RFX8: variants seen among roughly 807,000 people sequenced by gnomAD.
RFX8 encodes DNA-binding protein RFX8.
RFX8 carries 46 observed loss-of-function variants against 54.6 expected under a neutral mutation model. The observed-to-expected ratio is 0.84, with a 90% CI of 0.67 to 1.08. RFX8 has a LOEUF of 1.08. RFX8 is among the 50% of genes least tolerant of loss of function. RFX8 has a pLI of 0.00. For synonymous variants in RFX8, 192 were observed against 209.5 expected, an observed-to-expected ratio of 0.92 and a Z score of 0.72; for missense variants, 536 against 562.3, an observed-to-expected ratio of 0.95 and a Z score of 0.47.
chr2:101,466,666 A>G (rs576016404), intron 2 of RFX8, 111 bp downstream of exon 2: 2 of 794,110 alleles, frequency 2.5e-6, no homozygotes, highest in Admixed American at 4.2e-5. Context: ...GAAGCCAAAG[A>G]TACCCACTGA....
At chr2:101,470,155 C>G (rs1461848186) in intron 1 of RFX8, among the ~76,000 whole-genome samples, 2 of 152,154 alleles carry the variant, frequency 1.3e-5, no homozygotes, top group East Asian at 3.9e-4. Context: ...GGGCTTTGAA[C>G]CTCAAAGACC....
intron 2 of RFX8, among the ~76,000 whole-genome samples, chr2:101,430,504 T>C (rs928653101): frequency 6.6e-6 from 1 of 152,158 alleles, no homozygotes; most frequent in African/African-American, 2.4e-5. Flanking sequence ...TCTCTCCATG[T>C]GAACAAAGAA....
intron 2 of RFX8, among the ~76,000 whole-genome samples, chr2:101,426,323 G>A (rs537469162): frequency 1.3e-5 from 2 of 151,952 alleles, no homozygotes; most frequent in African/African-American, 4.8e-5. Context: ...AACATAGTAA[G>A]AGCCTGTCTC....
At chr2:101,440,005 C>T (rs75868819) in intron 2 of RFX8, among the ~76,000 whole-genome samples, 12,986 of 152,096 alleles carry the variant, frequency 0.085, 592 homozygotes, top group African/African-American at 0.11. Flanking sequence ...TGTTCTCCTC[C>T]CATTTTATTC....
At chr2:101,474,219 G>T (rs1690175598) in intron 1 of RFX8, 1 of 627,830 alleles carries the variant, frequency 1.6e-6, no homozygotes, top group African/African-American at 1.9e-5. Flanking sequence ...TGACGCCGCT[G>T]TGCGGGCCCC....
intron 2 of RFX8, among the ~76,000 whole-genome samples, chr2:101,439,794 C>T (rs955163945): frequency 2.6e-5 from 4 of 151,812 alleles, no homozygotes; most frequent in Non-Finnish European, 5.9e-5. Context: ...CTTACTGCAA[C>T]CTCCACCTCC....
In RFX8 at chr2:101,419,208, G is replaced by C. The variant is rs530851469; in HGVS notation, c.238-244C>G. 3.9e-5 allele frequency among the ~76,000 whole-genome samples: 6 copies of C among 152,316 alleles called. No individual in the cohort carries two copies. The South Asian group carries it at 1.2e-3, about 32-fold the overall frequency. On this transcript the variant is annotated intron_variant, in intron 4 of 11. Coordinates refer to ENST00000428343, the MANE Select transcript of RFX8 (RefSeq NM_001145664.2). ...ACATTATTAATATTTTCTTGAGGCA[G>C]TTTCTAGAAGGGAAGCTGTTTCTGA... is the stretch of plus-strand genomic sequence containing the variant.
chr2:101,441,595 A>G (rs1170379091), intron 2 of RFX8, among the ~76,000 whole-genome samples: 3 of 152,204 alleles, frequency 2.0e-5, no homozygotes, highest in East Asian at 1.9e-4. Flanking sequence ...TTCCTCATAA[A>G]TTACCTAGTT....
At chr2:101,471,288 T>G (rs1208045306) in intron 1 of RFX8, among the ~76,000 whole-genome samples, 1 of 151,926 alleles carries the variant, frequency 6.6e-6, no homozygotes, top group African/African-American at 2.4e-5. Flanking sequence ...GAGCCGAGAT[T>G]GTGCCACTGC....
rs1558828696 is a variant in RFX8, at chr2:101,397,563, G to A, written c.1407C>T (p.Asn469=). Residue 469 remains asparagine, a synonymous_variant, in exon 12 of 12, where the codon AAC becomes AAT. Transcript: ENST00000428343. Reference sequence around the variant, plus strand: ...ATAAATAATCTCACACATTAGCATTGTTTTCTCTGAAATAAATATCTTCAG... The same window carrying A: ...ATAAATAATCTCACACATTAGCATTATTTTCTCTGAAATAAATATCTTCAG... The part of the protein sequence containing the change: ...QSSEDIYFRE[N]NANV 6.5e-7 allele frequency: 1 copy of A among 1,542,854 alleles called. No homozygotes were observed.
intron 2 of RFX8, among the ~76,000 whole-genome samples, chr2:101,466,024 GAA>G (rs1689555955): frequency 6.6e-6 from 1 of 152,134 alleles, no homozygotes. Context: ...TTCCACAAAT[GAA>G]CAGAAGTTTC....
chr2:101,434,368 T>A (rs1687654425), intron 2 of RFX8, among the ~76,000 whole-genome samples: 1 of 152,180 alleles, frequency 6.6e-6, no homozygotes, highest in Non-Finnish European at 1.5e-5. Flanking sequence ...GCCATTACTG[T>A]TATATTACTT....
intron 2 of RFX8, among the ~76,000 whole-genome samples, chr2:101,442,825 C>A (rs1344555635): frequency 6.6e-6 from 1 of 152,042 alleles, no homozygotes; most frequent in Non-Finnish European, 1.5e-5. Flanking sequence ...GACTTCTCTC[C>A]ATGAGGGAGG....
chr2:101,433,278 G>A (rs554334106), intron 2 of RFX8, among the ~76,000 whole-genome samples: 2 of 152,192 alleles, frequency 1.3e-5, no homozygotes, highest in South Asian at 4.2e-4. Flanking sequence ...GGACTCAGAG[G>A]TCCCCCAGGT....
chr2:101,409,973 A>G (rs1046206933), intron 9 of RFX8, among the ~76,000 whole-genome samples: 1 of 152,192 alleles, frequency 6.6e-6, no homozygotes, highest in African/African-American at 2.4e-5. Context: ...ACATTGGTCG[A>G]AAGGATCAAA....
At chr2:101,409,496 G>A (rs943134539) in intron 9 of RFX8, among the ~76,000 whole-genome samples, 2 of 151,008 alleles carry the variant, frequency 1.3e-5, no homozygotes, top group Non-Finnish European at 2.9e-5. Flanking sequence ...AAAGTGCTGG[G>A]ATTACAGGAG....
At chr2:101,456,585 T>G (rs923330990) in intron 2 of RFX8, among the ~76,000 whole-genome samples, 8 of 152,214 alleles carry the variant, frequency 5.3e-5, no homozygotes, top group Admixed American at 1.3e-4. Context: ...GTGGATAAGC[T>G]TTTTGATGTG....
chr2:101,426,846 T>C (rs1368034560), intron 2 of RFX8, among the ~76,000 whole-genome samples: 2 of 152,174 alleles, frequency 1.3e-5, no homozygotes, highest in Non-Finnish European at 2.9e-5. Flanking sequence ...TCCTGAATCC[T>C]TGAAGACACT....
At position 101,458,866 on chromosome 2, in the gene RFX8, T is replaced by C. The variant is rs62154328; in HGVS notation, c.72+7911A>G. On this transcript the variant is annotated intron_variant, in intron 2 of 11. Coordinates refer to ENST00000428343, the MANE Select transcript of RFX8 (RefSeq NM_001145664.2). ...GGTACATCAATCAACACAGATTTTATCTTTTCACATAGTCCCATATTTCTT... is the reference window on the plus strand; with the variant it reads ...GGTACATCAATCAACACAGATTTTACCTTTTCACATAGTCCCATATTTCTT... Among the ~76,000 whole-genome samples, 652 of 152,368 alleles carry C rather than the reference T, an allele frequency of 4.3e-3. 3 individuals are homozygous for C. The highest frequency in any genetic ancestry group is 0.01 in the Middle Eastern group (3 of 294).
Sources: allele counts gnomAD v4.1 joint callset (sites outside exome capture counted in the v4.1 genomes callset), GRCh38; gene constraint gnomAD v4.1.1; transcripts MANE v1.5; gene names NCBI Gene and HGNC (gene_info 2026-07-23, HGNC 2026-07-21).